The following SLC12A7 variants were observed in gnomAD, a reference collection of about 807,000 sequenced individuals.
SLC12A7 encodes K-Cl cotransporter 4.
Under a neutral mutation model 120.6 loss-of-function variants are expected in SLC12A7, and 100 were observed. The ratio of observed to expected loss-of-function variants is 0.83; its 90% confidence interval spans 0.71 to 0.98. The LOEUF (loss-of-function observed/expected upper bound fraction) is 0.98. Ranked by LOEUF, SLC12A7 falls within the 50% of genes least tolerant of loss-of-function variation. SLC12A7 has a pLI of 0.00. For missense variants in SLC12A7, 1,373 were observed against 1,548.1 expected, an observed-to-expected ratio of 0.89 and a Z score of 1.90; for synonymous variants, 760 against 678.0, an observed-to-expected ratio of 1.12 and a Z score of -1.88.
At chr5:1,080,018 T>C (rs1408385563) in intron 9 of SLC12A7, among the ~76,000 whole-genome samples, 2 of 152,160 alleles carry the variant, frequency 1.3e-5, no homozygotes, top group Non-Finnish European at 2.9e-5. Context: ...GCCGGGTCGG[T>C]GGGGGCCACT....
At chr5:1,067,290 C>T (rs1339162955) in intron 17 of SLC12A7, among the ~76,000 whole-genome samples, 2 of 152,226 alleles carry the variant, frequency 1.3e-5, no homozygotes, top group Admixed American at 1.3e-4. Context: ...GCAGGGGCCC[C>T]AGAGAGGCAG....
At chr5:1,113,730 G>A (rs1561121143), upstream of SLC12A7, among the ~76,000 whole-genome samples, 1 of 152,176 alleles carries the variant, frequency 6.6e-6, no homozygotes, top group Non-Finnish European at 1.5e-5. Context: ...TATGAGGAGG[G>A]CTGGCTTTGC....
chr5:1,104,651 C>T (rs972172812), intron 1 of SLC12A7, among the ~76,000 whole-genome samples: 5 of 136,694 alleles, frequency 3.7e-5, no homozygotes, highest in African/African-American at 1.5e-4. Context: ...CCCAGGACCA[C>T]TCCCCACAGA....
At chr5:1,153,271 G>A in the SLC12A7 span, among the ~76,000 whole-genome samples, 5 of 152,212 alleles carry the variant, frequency 3.3e-5, no homozygotes, top group Admixed American at 3.3e-4. Context: ...GAGGAGATGA[G>A]GTGGGTGGGG....
Position 1,060,439 on chromosome 5 carries a change from T to G in SLC12A7, c.2752A>C (p.Ile918Leu). The stretch of plus-strand genomic sequence containing the variant: ...GTCCTCTCGTAGGTGAAAGCAGATA[T>G]GTCGTTTTCAACCTAGAAAGTTCCC... ...VEVVEMVENDISAFTYERTLM... is the reference protein window; with the variant it reads ...VEVVEMVENDLSAFTYERTLM... Residue 918 changes from isoleucine (I) to leucine (L), a missense_variant, in exon 21 of 24, where the codon ATA becomes CTA. Physicochemically the swap from Ile to Leu is conservative, Grantham distance 5 (BLOSUM62 2). Coordinates refer to ENST00000264930, the MANE Select transcript of SLC12A7 (RefSeq NM_006598.3). 6.2e-7 allele frequency: 1 copy of G among 1,613,244 alleles called. No homozygotes were observed. The highest frequency in any genetic ancestry group is 8.5e-7 in the Non-Finnish European group (1 of 1,179,584).
intron 20 of SLC12A7, among the ~76,000 whole-genome samples, chr5:1,062,467 T>C (rs1736394785): frequency 6.6e-6 from 1 of 152,032 alleles, no homozygotes; most frequent in African/African-American, 2.4e-5. Flanking sequence ...CAGAAAACCA[T>C]CCAGCGTCAC....
At chr5:1,087,529 T>C (rs1740002705) in intron 5 of SLC12A7, among the ~76,000 whole-genome samples, 1 of 152,220 alleles carries the variant, frequency 6.6e-6, no homozygotes, top group South Asian at 2.1e-4. Flanking sequence ...GCGTGTGGCA[T>C]GTGGAAGGGG....
At chr5:1,135,404 G>C in the SLC12A7 span, among the ~76,000 whole-genome samples, 1 of 132,326 alleles carries the variant, frequency 7.6e-6, no homozygotes, top group South Asian at 2.3e-4. Context: ...CCCGTTTCCA[G>C]GGCCTTGGAC....
At chr5:1,123,694 C>T in the SLC12A7 span, among the ~76,000 whole-genome samples, 2 of 152,228 alleles carry the variant, frequency 1.3e-5, no homozygotes, top group Non-Finnish European at 2.9e-5. Flanking sequence ...ACACACGTCA[C>T]GTGTGTTGGC....
rs775187822 is a variant in SLC12A7, at chr5:1,075,387, A to G, written c.1951T>C (p.Tyr651His). The stretch of plus-strand genomic sequence containing the variant: ...AGCGCTTACCCGCGGTACTCGATGT[A>G]CTTGTAGATGCAGCCAGCGATGAGC... Reference protein sequence around the residue: ...AMLIAGCIYKYIEYRGAEKEW... With the variant: ...AMLIAGCIYKHIEYRGAEKEW... Residue 651 changes from tyrosine to histidine, a missense_variant, in exon 15 of 24, where the codon TAC becomes CAC. Physicochemically the swap from Tyr to His is moderately conservative, Grantham distance 83. Transcript: ENST00000264930. 1.9e-6 allele frequency: 3 copies of G among 1,611,954 alleles called. No homozygotes were observed. The highest frequency in any genetic ancestry group is 2.5e-6 in the Non-Finnish European group (3 of 1,179,242).
chr5:1,115,175 C>T (rs945382749), upstream of SLC12A7, among the ~76,000 whole-genome samples: 12 of 152,230 alleles, frequency 7.9e-5, no homozygotes, highest in East Asian at 7.7e-4. Flanking sequence ...TGGTCATCTG[C>T]GATGGCCTCT....
At chr5:1,138,277 C>T in the SLC12A7 span, among the ~76,000 whole-genome samples, 12 of 152,270 alleles carry the variant, frequency 7.9e-5, no homozygotes, top group South Asian at 1.0e-3. Flanking sequence ...CAGGGCAGGG[C>T]GGCTTTTATT....
At chr5:1,095,817 G>A (rs1188695365) in intron 1 of SLC12A7, among the ~76,000 whole-genome samples, 3 of 152,232 alleles carry the variant, frequency 2.0e-5, no homozygotes, top group African/African-American at 4.8e-5. Flanking sequence ...CCGTCTGGGG[G>A]CAGGCGGGCA....
At chr5:1,076,040 G>A (rs1738291185) in intron 14 of SLC12A7, 98 bp downstream of exon 14, 2 of 1,007,476 alleles carry the variant, frequency 2.0e-6, no homozygotes, top group Non-Finnish European at 2.9e-6. Flanking sequence ...CCCAGCCTGT[G>A]GGGCTCCTGA....
chr5:1,117,293 C>G, the SLC12A7 span, among the ~76,000 whole-genome samples: 3 of 152,158 alleles, frequency 2.0e-5, no homozygotes, highest in African/African-American at 7.2e-5. This position sits in a 1 kb window ranked among gnomAD's most constrained non-coding sequence, Gnocchi z 4.5. Context: ...ACTAGTGAAG[C>G]CAAGTTTGCA....
intron 1 of SLC12A7, among the ~76,000 whole-genome samples, chr5:1,095,805 C>T (rs912444176): frequency 4.6e-5 from 7 of 152,212 alleles, no homozygotes; most frequent in Admixed American, 6.5e-5. Context: ...AAGAGGGCAT[C>T]GCCGTCTGGG....
chr5:1,100,357 C>T lies in SLC12A7; in HGVS notation c.125-6109G>A, dbSNP rs118144005. On this transcript the variant is annotated intron_variant, in intron 1 of 23. Coordinates refer to ENST00000264930, the MANE Select transcript of SLC12A7 (RefSeq NM_006598.3). ...CTGGGAAAGAAGCCCATGTAAAGGC[C>T]GCCTGGCCCCTGGGCCACCCGCAGC... Among the ~76,000 whole-genome samples, 65 of 152,302 alleles carry T rather than the reference C, an allele frequency of 4.3e-4. No individual in the cohort carries two copies. In the East Asian group the frequency reaches 8.7e-3, roughly 20 times the overall value.
At chr5:1,059,849 G>GACA (rs61290730) in intron 21 of SLC12A7, among the ~76,000 whole-genome samples, 9 of 147,424 alleles carry the variant, frequency 6.1e-5, no homozygotes, top group Non-Finnish European at 1.1e-4. Flanking sequence ...CTTGGTCTTA[G>GACA]GACAGAAATC....
rs1222773031 is a variant in SLC12A7, at chr5:1,082,753, T to C, written c.1129+992A>G. On this transcript the variant is annotated intron_variant, in intron 8 of 23. Transcript: ENST00000264930. ...GCTTCCCATCTCAGGTTCTGGAAAG[T>C]CCAGGCTTCCCGTCTTGGGTTCTGG... 7.9e-5 allele frequency among the ~76,000 whole-genome samples: 11 copies of C among 139,032 alleles called. No homozygotes were observed. The South Asian group carries it at 9.8e-4, about 12-fold the overall frequency. 91.2% of individuals were successfully genotyped at this position (139,032 alleles called of 152,430 possible).
Sources: gnomAD v4.1 joint callset for allele counts (sites outside exome capture counted in the v4.1 genomes callset) on GRCh38, gnomAD v4.1.1 for gene constraint, Gnocchi (gnomAD v3.1) non-coding constraint, MANE v1.5 for transcripts, NCBI Gene and HGNC (gene_info 2026-07-23, HGNC 2026-07-21) for gene names.